Variants in GJB7 observed in about 807,000 individuals in gnomAD.
GJB7 encodes the protein gap junction protein beta 7.
For synonymous variants in GJB7, 87 were observed against 95.2 expected, an observed-to-expected ratio of 0.91 and a Z score of 0.50; for missense variants, 253 against 256.8, an observed-to-expected ratio of 0.99 and a Z score of 0.10.
chr6:87,315,870 T>G (rs1272219481), intron 2 of GJB7, among the ~76,000 whole-genome samples: 1 of 150,852 alleles, frequency 6.6e-6, no homozygotes, highest in Admixed American at 6.6e-5. Context: ...CCTGTTGACA[T>G]GTTTGGATGT....
rs547331195 is a variant in GJB7 at position 87,299,559 on chromosome 6, C to T, written c.-27-14620G>A. ...AAATTGCCAATCCTCACTGTAAGTCCTTGGTCATAATTGCTGAAGATATTG... is the reference window on the plus strand; with the variant it reads ...AAATTGCCAATCCTCACTGTAAGTCTTTGGTCATAATTGCTGAAGATATTG... On this transcript the variant is annotated intron_variant, in intron 2 of 2. Transcript: ENST00000525899. The T allele has an allele frequency of 1.5e-5, 4 of 258,984 alleles. No homozygotes were observed. The East Asian group carries it at 4.3e-4, about 28-fold the overall frequency. 16.0% of individuals were successfully genotyped at this position (258,984 alleles called of 1,614,324 possible). A position where few individuals can be genotyped will look rare whatever the true frequency, so the allele number is the denominator to read the frequency against.
chr6:87,309,151 T>A (rs948695284), intron 2 of GJB7, among the ~76,000 whole-genome samples: 1 of 152,184 alleles, frequency 6.6e-6, no homozygotes, highest in African/African-American at 2.4e-5. Context: ...GCTGTCACAC[T>A]GATTCACCTT....
intron 2 of GJB7, among the ~76,000 whole-genome samples, chr6:87,288,178 G>A (rs191627438): frequency 1.1e-3 from 164 of 152,218 alleles, no homozygotes; most frequent in African/African-American, 3.8e-3. Context: ...TGGGATTACA[G>A]GCATGAGCCA....
intron 2 of GJB7, among the ~76,000 whole-genome samples, chr6:87,300,677 T>TTTATACAAAA (rs1221116018): frequency 1.3e-5 from 2 of 152,244 alleles, no homozygotes; most frequent in Non-Finnish European, 2.9e-5. Flanking sequence ...AAAAGGACAT[T>TTTATACAAAA]TGTGCATTCC....
In GJB7 at chr6:87,306,296, T is replaced by G. The variant is rs190487761; in HGVS notation, c.-28+16570A>C. 4.4e-3 allele frequency among the ~76,000 whole-genome samples: 673 copies of G among 151,850 alleles called. 7 individuals carry two copies. Among genetic ancestry groups the G allele is most frequent in the African/African-American group, 0.014 (587 of 41,340 alleles). On this transcript the variant is annotated intron_variant, in intron 2 of 2. Transcript: ENST00000525899. ...CTACTCATCTGACAAAGGGCTAATA[T>G]CCAGAATCTACAATGAACTCCAACA...
At chr6:87,328,507 G>A (rs538600634) in intron 1 of GJB7, among the ~76,000 whole-genome samples, 1 of 150,440 alleles carries the variant, frequency 6.6e-6, no homozygotes, top group Non-Finnish European at 1.5e-5. Context: ...TGGAGTACCC[G>A]GCCGTGTGAG....
At chr6:87,323,701 T>A (rs986464842) in intron 1 of GJB7, among the ~76,000 whole-genome samples, 3 of 152,124 alleles carry the variant, frequency 2.0e-5, no homozygotes, top group African/African-American at 7.2e-5. Flanking sequence ...TGGTTCCAGG[T>A]CTTTGCTATT....
At chr6:87,315,793 C>T (rs1229415418) in intron 2 of GJB7, among the ~76,000 whole-genome samples, 1 of 102,586 alleles carries the variant, frequency 9.7e-6, no homozygotes, top group Non-Finnish European at 1.8e-5. Context: ...AAGACTCTAT[C>T]TCAAAAAAAA....
At chr6:87,309,942 A>G (rs953994468) in intron 2 of GJB7, among the ~76,000 whole-genome samples, 1 of 152,224 alleles carries the variant, frequency 6.6e-6, no homozygotes, top group Admixed American at 6.5e-5. Context: ...TGCAAGAGTC[A>G]AACATTGGTC....
At chr6:87,318,526 A>G (rs770526852) in intron 2 of GJB7, among the ~76,000 whole-genome samples, 18 of 152,210 alleles carry the variant, frequency 1.2e-4, no homozygotes, top group Non-Finnish European at 1.8e-4. Flanking sequence ...GACTAGGATG[A>G]CTTGGCTTTG....
At chr6:87,288,749 A>G (rs1030744623) in intron 2 of GJB7, among the ~76,000 whole-genome samples, 1 of 151,990 alleles carries the variant, frequency 6.6e-6, no homozygotes, top group African/African-American at 2.4e-5. Flanking sequence ...CAAACCCCAC[A>G]TCCAATCTAC....
intron 2 of GJB7, among the ~76,000 whole-genome samples, chr6:87,320,917 C>T (rs1015590451): frequency 2.6e-5 from 4 of 152,110 alleles, no homozygotes; most frequent in African/African-American, 7.2e-5. Flanking sequence ...GTCAGACTCT[C>T]TGGAAAAGAC....
chr6:87,293,887 C>T (rs965632079), intron 2 of GJB7, among the ~76,000 whole-genome samples: 14 of 152,240 alleles, frequency 9.2e-5, no homozygotes, highest in East Asian at 3.9e-4. Context: ...AGCTGGAAGA[C>T]GGAGAAATTA....
At chr6:87,325,789 T>G (rs893768721) in intron 1 of GJB7, among the ~76,000 whole-genome samples, 12 of 152,230 alleles carry the variant, frequency 7.9e-5, no homozygotes, top group African/African-American at 2.7e-4. Context: ...ATAAAATGAG[T>G]TAGGGAGGAT....
chr6:87,325,301 A>G lies in GJB7; in HGVS notation c.-205-2258T>C, dbSNP rs1421527101. On this transcript the variant is annotated intron_variant, in intron 1 of 2. Coordinates refer to ENST00000525899, the MANE Select transcript of GJB7 (RefSeq NM_198568.3). ...TGCCCTGGCCAGAACTTCCAACACT[A>G]TGTTGAATAGGAGTGGTGAGAGAGG... Among the ~76,000 whole-genome samples, 9 of 145,158 alleles carry G rather than the reference A, an allele frequency of 6.2e-5. No individual in the cohort carries two copies. The South Asian group carries it at 1.5e-3, about 25-fold the overall frequency.
chr6:87,311,549 G>A (rs1186437587), intron 2 of GJB7, among the ~76,000 whole-genome samples: 1 of 152,180 alleles, frequency 6.6e-6, no homozygotes, highest in Non-Finnish European at 1.5e-5. Context: ...GGATTCATGA[G>A]GTTAAGGCAG....
intron 2 of GJB7, among the ~76,000 whole-genome samples, chr6:87,319,558 A>G (rs1582569652): frequency 6.6e-6 from 1 of 152,356 alleles, no homozygotes; most frequent in South Asian, 2.1e-4. Context: ...TAGCCTTCCA[A>G]TTGTTTTTAG....
In GJB7 at chr6:87,283,836, C is replaced by CT. The variant is rs397841661; in HGVS notation, c.*404dup. 1.6e-3 allele frequency: 183 copies of CT among 112,242 alleles called. 1 individual carries two copies. The highest frequency in any genetic ancestry group is 2.1e-3 in the East Asian group (8 of 3,736). 7.0% of individuals were successfully genotyped at this position (112,242 alleles called of 1,614,324 possible). On this transcript the variant is annotated 3_prime_UTR_variant, in exon 3 of 3. Transcript: ENST00000525899. ...AAAACAGAAAACTGACACAGGGTTT[C>CT]TTTTTTTTTTTTTTTCCCTGAAAAA... is the stretch of plus-strand genomic sequence containing the variant.
intron 2 of GJB7, among the ~76,000 whole-genome samples, chr6:87,289,030 T>C (rs1479982898): frequency 6.6e-6 from 1 of 152,176 alleles, no homozygotes; most frequent in African/African-American, 2.4e-5. Flanking sequence ...GCCAAACACT[T>C]ATCTGGACAA....
Sources: allele counts gnomAD v4.1 joint callset (sites outside exome capture counted in the v4.1 genomes callset), GRCh38; gene constraint gnomAD v4.1.1; transcripts MANE v1.5; gene names NCBI Gene and HGNC (gene_info 2026-07-23, HGNC 2026-07-21).